SLC1A6: variants seen among roughly 807,000 people sequenced by gnomAD.
SLC1A6 encodes excitatory amino acid transporter 4.
In SLC1A6, 15 loss-of-function variants were observed where a neutral mutation model predicts 42.1. That is an observed-to-expected ratio of 0.36 (90% CI 0.24 to 0.55). SLC1A6 has a LOEUF of 0.55. Among genes scored for constraint, SLC1A6 ranks in the 20% least tolerant of loss-of-function variants. The probability of loss-of-function intolerance (pLI) is 0.88; values close to 1 mark genes in which losing one functional copy is unlikely to be tolerated. For missense variants in SLC1A6, 542 were observed against 772.5 expected, an observed-to-expected ratio of 0.70 and a Z score of 3.54; for synonymous variants, 317 against 319.7, an observed-to-expected ratio of 0.99 and a Z score of 0.09.
At chr19:14,956,313 G>A (rs1314431681) in intron 7 of SLC1A6, among the ~76,000 whole-genome samples, 163 bp downstream of exon 7, 1 of 152,138 alleles carries the variant, frequency 6.6e-6, no homozygotes, top group East Asian at 1.9e-4. Flanking sequence ...AGCCAGCCCA[G>A]GACAATGACT....
intron 6 of SLC1A6, among the ~76,000 whole-genome samples, chr19:14,959,925 C>T (rs973054491): frequency 2.6e-5 from 4 of 152,212 alleles, no homozygotes; most frequent in Non-Finnish European, 4.4e-5. Flanking sequence ...TCCTTTACTA[C>T]AGAACCTACC....
At chr19:14,982,920 G>A (rs1177743804), upstream of SLC1A6, among the ~76,000 whole-genome samples, 1 of 151,794 alleles carries the variant, frequency 6.6e-6, no homozygotes, top group Non-Finnish European at 1.5e-5. Context: ...AAAAATAACT[G>A]TATTTTCCAA....
intron 6 of SLC1A6, 94 bp from the exon 7 acceptor site, chr19:14,956,803 C>G: frequency 1.3e-6 from 1 of 760,398 alleles, no homozygotes; most frequent in East Asian, 2.6e-5. Context: ...CATATAGGGC[C>G]CTGGAGCCAC....
intron 3 of SLC1A6, among the ~76,000 whole-genome samples, chr19:14,969,680 A>G (rs568239783): frequency 3.9e-5 from 6 of 152,190 alleles, no homozygotes; most frequent in Admixed American, 3.3e-4. Flanking sequence ...CTTCTAGGAA[A>G]CCCAACCTAA....
chr19:14,968,991 C>T (rs918074665), intron 3 of SLC1A6, among the ~76,000 whole-genome samples: 2 of 152,244 alleles, frequency 1.3e-5, no homozygotes, highest in African/African-American at 4.8e-5. Context: ...AGGCACCTGC[C>T]ACCATGCCCA....
chr19:14,952,955 G>T lies in SLC1A6; in HGVS notation c.1472C>A (p.Thr491Lys). 6.2e-7 allele frequency: 1 copy of T among 1,613,978 alleles called. No homozygotes were observed. The highest frequency in any genetic ancestry group is 8.5e-7 in the Non-Finnish European group (1 of 1,179,928). The change falls in exon 9 of 10, where the codon ACG becomes AAG. Residue 491 changes from threonine (T) to lysine (K), a missense_variant. By Grantham distance (78) the Thr-to-Lys change is moderately conservative. Around this residue, in one of 6 missense-constraint regions of SLC1A6, gnomAD observed 54 missense variants for 125.1 expected, o/e 0.43. Coordinates refer to ENST00000594383, the MANE Select transcript of SLC1A6 (RefSeq NM_005071.3). ...TSVGLPTEDI[T>K]LIIAVDWFLD... ...GAACCAGTCCACGGCAATGATGAGC[G>T]TGATGTCTTCCGTGGGCAAGCCGAC...
At chr19:15,002,411 T>C (rs1463670681) in intron 1 of SLC1A6, among the ~76,000 whole-genome samples, 6 of 152,128 alleles carry the variant, frequency 3.9e-5, no homozygotes, top group African/African-American at 1.4e-4. Flanking sequence ...GCTGGAATTA[T>C]AGGCATGAGC....
At chr19:15,010,332 C>T (rs1374823489) in intron 1 of SLC1A6, among the ~76,000 whole-genome samples, 2 of 152,142 alleles carry the variant, frequency 1.3e-5, no homozygotes, top group African/African-American at 4.8e-5. Context: ...AGTGGCCAGC[C>T]ATGGGAGTAT....
chr19:14,994,990 C>T (rs938149762), intron 1 of SLC1A6, among the ~76,000 whole-genome samples: 2 of 152,054 alleles, frequency 1.3e-5, no homozygotes, highest in Non-Finnish European at 2.9e-5. Context: ...TGCATGATCT[C>T]ACTCATATGT....
chr19:14,977,879 T>G (rs1025835944), intron 1 of SLC1A6: 1 of 152,202 alleles, frequency 6.6e-6, no homozygotes, highest in Admixed American at 6.5e-5. Flanking sequence ...AAATTAAGAA[T>G]AGAGTAAAAT....
chr19:14,987,059 T>G (rs2045796250), intron 1 of SLC1A6, among the ~76,000 whole-genome samples: 1 of 152,164 alleles, frequency 6.6e-6, no homozygotes, highest in Non-Finnish European at 1.5e-5. Context: ...GAATGATTAT[T>G]AAAATCATTT....
At chr19:15,009,574 CAG>C (rs1026419221) in intron 1 of SLC1A6, among the ~76,000 whole-genome samples, 9 of 151,958 alleles carry the variant, frequency 5.9e-5, no homozygotes, top group African/African-American at 2.2e-4. Context: ...CATGGACAAA[CAG>C]AGTGGAAAAC....
At chr19:15,008,737 A>G (rs1406376945) in intron 1 of SLC1A6, among the ~76,000 whole-genome samples, 5 of 152,096 alleles carry the variant, frequency 3.3e-5, no homozygotes, top group Non-Finnish European at 7.4e-5. Context: ...TAATCTCAGC[A>G]TTTTGGGAGG....
At chr19:14,977,085 AG>A (rs2045720050) in intron 1 of SLC1A6, 1 of 151,806 alleles carries the variant, frequency 6.6e-6, no homozygotes, top group South Asian at 2.1e-4. Context: ...CAGACTACAC[AG>A]GGAATCCCTC....
At chr19:15,003,675 G>GAAAAGA (rs56031076) in intron 1 of SLC1A6, among the ~76,000 whole-genome samples, 3 of 132,202 alleles carry the variant, frequency 2.3e-5, no homozygotes, top group Admixed American at 7.5e-5. Flanking sequence ...AAAAAAAAAA[G>GAAAAGA]AAAGAAAAGA....
At chr19:15,010,022 A>C (rs2045917235) in intron 1 of SLC1A6, among the ~76,000 whole-genome samples, 1 of 151,818 alleles carries the variant, frequency 6.6e-6, no homozygotes, top group South Asian at 2.1e-4. Context: ...TACTAAAAAA[A>C]AAAAATGCAA....
chr19:14,964,248 A>ACCAT, intron 5 of SLC1A6, 71 bp downstream of exon 5: 1 of 1,318,822 alleles, frequency 7.6e-7, no homozygotes, highest in Non-Finnish European at 1.1e-6. Context: ...TTGCCCTTGG[A>ACCAT]CCATCCCTTC....
At chr19:14,987,204 C>T (rs182418320) in intron 1 of SLC1A6, among the ~76,000 whole-genome samples, 4 of 152,206 alleles carry the variant, frequency 2.6e-5, no homozygotes, top group East Asian at 1.9e-4. Context: ...TGCGGTGGCT[C>T]ACACCTGTAA....
intron 7 of SLC1A6, 55 bp downstream of exon 7, chr19:14,956,421 T>C: frequency 1.7e-6 from 2 of 1,204,812 alleles, no homozygotes; most frequent in Non-Finnish European, 1.2e-6. Context: ...GGAGAGGACA[T>C]GAAGGACAAG....
Sources: gnomAD v4.1 joint callset for allele counts (sites outside exome capture counted in the v4.1 genomes callset) on GRCh38, gnomAD v4.1.1 for gene constraint, gnomAD v4.1.1 regional missense constraint, MANE v1.5 for transcripts, NCBI Gene and HGNC (gene_info 2026-07-23, HGNC 2026-07-21) for gene names.